The following MTSS1 variants were observed in gnomAD, a reference collection of about 807,000 sequenced individuals.
The protein encoded by MTSS1 is MTSS I-BAR domain containing 1.
Under a neutral mutation model 79.0 loss-of-function variants are expected in MTSS1, and 18 were observed. That is an observed-to-expected ratio of 0.23 (90% CI 0.16 to 0.34). The LOEUF (loss-of-function observed/expected upper bound fraction) is 0.34. MTSS1 is among the 10% of genes least tolerant of loss of function. The pLI, the probability that MTSS1 is intolerant of heterozygous loss-of-function variation, is 1.00. For missense variants in MTSS1, 815 were observed against 986.2 expected, an observed-to-expected ratio of 0.83 and a Z score of 2.33; for synonymous variants, 341 against 368.6, an observed-to-expected ratio of 0.93 and a Z score of 0.86.
chr8:124,713,001 C>T (rs1831392473), intron 1 of MTSS1, among the ~76,000 whole-genome samples: 1 of 152,180 alleles, frequency 6.6e-6, no homozygotes, highest in South Asian at 2.1e-4. Context: ...AATATGTCAA[C>T]CATATCTTCC....
At chr8:124,639,017 A>G (rs1817536391) in intron 3 of MTSS1, among the ~76,000 whole-genome samples, 1 of 152,226 alleles carries the variant, frequency 6.6e-6, no homozygotes, top group Non-Finnish European at 1.5e-5. Context: ...TCAAATGCGT[A>G]TGTAGCAAGG....
chr8:124,706,675 T>C (rs528554851), intron 1 of MTSS1, among the ~76,000 whole-genome samples: 3 of 152,366 alleles, frequency 2.0e-5, no homozygotes, highest in East Asian at 3.9e-4. Context: ...AACCAACACC[T>C]GTGTGAGGGT....
At chr8:124,650,320 C>T (rs1222759454) in intron 3 of MTSS1, among the ~76,000 whole-genome samples, 1 of 152,092 alleles carries the variant, frequency 6.6e-6, no homozygotes, top group Non-Finnish European at 1.5e-5. Context: ...TGAGCCACCG[C>T]GCCCAGCCAA....
Position 124,568,031 on chromosome 8 carries a change from C to T in MTSS1, c.618+348G>A, listed in dbSNP as rs1335683960. Reference sequence around the variant, plus strand: ...AAAACACAGACGACTGGGTCCCCACCCCCAGAGGTTTGGACTTGGTGGGTC... The same window carrying T: ...AAAACACAGACGACTGGGTCCCCACTCCCAGAGGTTTGGACTTGGTGGGTC... On this transcript the variant is annotated intron_variant, in intron 7 of 13. Transcript: ENST00000518547. 4 of 1,156,988 alleles carry T rather than the reference C, an allele frequency of 3.5e-6. No individual in the cohort carries two copies. The South Asian group carries it at 7.7e-5, about 22-fold the overall frequency. 71.7% of individuals were successfully genotyped at this position (1,156,988 alleles called of 1,614,324 possible). A position where few individuals can be genotyped will look rare whatever the true frequency, so the allele number is the denominator to read the frequency against.
chr8:124,589,817 C>T (rs1394425492), intron 4 of MTSS1, 106 bp from the exon 5 acceptor site: 5 of 807,732 alleles, frequency 6.2e-6, no homozygotes, highest in Non-Finnish European at 1.0e-5. Flanking sequence ...TTACCCGAAA[C>T]GTTCTCATCT....
chr8:124,556,106 A>T, intron 12 of MTSS1, 126 bp downstream of exon 12: 1 of 1,558,360 alleles, frequency 6.4e-7, no homozygotes, highest in Non-Finnish European at 8.7e-7. Flanking sequence ...TAGAGCAGGA[A>T]GTCAGGGAAT....
intron 3 of MTSS1, among the ~76,000 whole-genome samples, chr8:124,651,680 A>G (rs1424992629): frequency 6.6e-6 from 1 of 152,210 alleles, no homozygotes; most frequent in African/African-American, 2.4e-5. Flanking sequence ...CCAGTCAGAC[A>G]GTACCAGCCA....
chr8:124,581,825 G>A (rs190676287), intron 6 of MTSS1, among the ~76,000 whole-genome samples: 26 of 152,288 alleles, frequency 1.7e-4, no homozygotes, highest in Admixed American at 1.3e-3. Context: ...GAGTTCATAC[G>A]GTTGGGTGGC....
Position 124,584,548 on chromosome 8 carries a change from G to T in MTSS1, c.460+539C>A, listed in dbSNP as rs76133357. Among the ~76,000 whole-genome samples, 105 of 152,266 alleles carry T rather than the reference G, an allele frequency of 6.9e-4. 1 individual carries two copies. The East Asian group carries it at 0.019, about 28-fold the overall frequency. ...GTGAAGGAGGATAAACAAGGATGTGGGGGAAAGGCATCTTGCCTGGTTGTG... is the reference window on the plus strand; with the variant it reads ...GTGAAGGAGGATAAACAAGGATGTGTGGGAAAGGCATCTTGCCTGGTTGTG... On this transcript the variant is annotated intron_variant, in intron 6 of 13. Coordinates refer to ENST00000518547, the MANE Select transcript of MTSS1 (RefSeq NM_014751.6).
At chr8:124,709,356 C>T (rs1047340498) in intron 1 of MTSS1, among the ~76,000 whole-genome samples, 16 of 152,008 alleles carry the variant, frequency 1.1e-4, no homozygotes, top group African/African-American at 3.9e-4. Flanking sequence ...GGAAATCCCT[C>T]GGAATGCACT....
chr8:124,634,249 A>G (rs1297486366), intron 3 of MTSS1, among the ~76,000 whole-genome samples: 1 of 151,618 alleles, frequency 6.6e-6, no homozygotes, highest in African/African-American at 2.4e-5. Flanking sequence ...AGCTGGGACT[A>G]CAGGCGCACA....
chr8:124,581,090 TGAGA>T (rs1829957227), intron 6 of MTSS1, among the ~76,000 whole-genome samples: 2 of 152,230 alleles, frequency 1.3e-5, no homozygotes, highest in African/African-American at 4.8e-5. Context: ...TAGTGGAAAG[TGAGA>T]GAGTCAACTA....
At chr8:124,682,567 G>A (rs1587783597) in intron 3 of MTSS1, among the ~76,000 whole-genome samples, 2 of 152,302 alleles carry the variant, frequency 1.3e-5, no homozygotes, top group East Asian at 3.9e-4. Flanking sequence ...CATTCCTGCA[G>A]GGTAAGAATA....
intron 1 of MTSS1, among the ~76,000 whole-genome samples, chr8:124,717,061 T>C (rs1458160292): frequency 1.3e-5 from 2 of 151,352 alleles, no homozygotes; most frequent in Non-Finnish European, 2.9e-5. Context: ...TACTGGCTTC[T>C]GCCTCAGGGC....
chr8:124,577,655 AAGGGGTCTGGCTGT>A (rs751611515), intron 6 of MTSS1: 8 of 518,120 alleles, frequency 1.5e-5, no homozygotes, highest in African/African-American at 3.9e-5. Flanking sequence ...ACCCAGACAG[AAGGGGTCTGGCTGT>A]GCCTACATTC....
chr8:124,600,878 A>G (rs1587150872), intron 3 of MTSS1, among the ~76,000 whole-genome samples: 1 of 152,110 alleles, frequency 6.6e-6, no homozygotes, highest in Non-Finnish European at 1.5e-5. Context: ...GTACTTATTA[A>G]TTGTTACGCA....
At position 124,663,282 on chromosome 8, in the gene MTSS1, C is replaced by T. The variant is rs78979444; in HGVS notation, c.208+36244G>A. ...ACAGACAGACAGACTGACAGACACA[C>T]ACGTCCACAGCCTTGGAGCCCCTTT... On this transcript the variant is annotated intron_variant, in intron 3 of 13. Transcript: ENST00000518547. Among the ~76,000 whole-genome samples the T allele has an allele frequency of 8.4e-4, 128 of 152,292 alleles. 1 individual carries two copies. The highest frequency in any genetic ancestry group is 2.8e-3 in the African/African-American group (116 of 41,558).
chr8:124,637,942 C>G (rs958972436), intron 3 of MTSS1, among the ~76,000 whole-genome samples: 1 of 152,208 alleles, frequency 6.6e-6, no homozygotes, highest in Non-Finnish European at 1.5e-5. Flanking sequence ...GACTTACACA[C>G]AAGTTAGATA....
rs201657227 is a variant in MTSS1, at chr8:124,553,027, T to A, written c.2233A>T (p.Thr745Ser). Reference protein sequence around the residue: ...IRRGVKLKKTTTNDRSAPRFS With the variant: ...IRRGVKLKKTSTNDRSAPRFS ...CGAGGGGCTGAGCGATCGTTTGTCG[T>A]GGTCTTCTTCAGTTTCACGCCCCTT... Residue 745 changes from threonine to serine, a missense_variant, in exon 14 of 14, where the codon ACG becomes TCG. By Grantham distance (58) the Thr-to-Ser change is moderately conservative (BLOSUM62 1). Coordinates refer to ENST00000518547, the MANE Select transcript of MTSS1 (RefSeq NM_014751.6). This position sits in a 1 kb window ranked among gnomAD's most constrained non-coding sequence, Gnocchi z 6.0. 6.2e-7 allele frequency: 1 copy of A among 1,614,068 alleles called. No homozygotes were observed. Among genetic ancestry groups the A allele is most frequent in the Non-Finnish European group, 8.5e-7 (1 of 1,179,914 alleles).
Sources: gnomAD v4.1 joint callset for allele counts (sites outside exome capture counted in the v4.1 genomes callset) on GRCh38, gnomAD v4.1.1 for gene constraint, Gnocchi (gnomAD v3.1) non-coding constraint, MANE v1.5 for transcripts, NCBI Gene and HGNC (gene_info 2026-07-23, HGNC 2026-07-21) for gene names.